Variants in EIF4G1 observed in about 807,000 individuals in gnomAD.
EIF4G1 encodes the protein eukaryotic translation initiation factor 4 gamma 1.
EIF4G1 carries 4 observed loss-of-function variants against 187.8 expected under a neutral mutation model. The observed-to-expected ratio is 0.02, with a 90% CI of 0.01 to 0.05. The LOEUF (loss-of-function observed/expected upper bound fraction) is 0.05, where lower values mean the gene tolerates loss of function less well. Ranked by LOEUF, EIF4G1 falls within the 10% of genes least tolerant of loss-of-function variation. EIF4G1 has a pLI of 1.00. For missense variants in EIF4G1, 1,647 were observed against 2,081.1 expected (o/e 0.79, Z 4.06); for synonymous variants, 844 against 781.4 (o/e 1.08, Z -1.34).
chr3:184,317,873 T>A, intron 6 of EIF4G1, 57 bp downstream of exon 6: 1 of 1,293,150 alleles, frequency 7.7e-7, no homozygotes, highest in Non-Finnish European at 1.1e-6. Flanking sequence ...TCTAAACTCA[T>A]CTGCTGATTT....
rs923244009 is a variant in EIF4G1, at chr3:184,321,749, G to A, written c.1165G>A (p.Glu389Lys). ...ELAPPPACPS[E>K]SPVPIAPTAQ... ...TGCTCCTCCCCCAGCTTGCCCCTCCGAATCCCCTGTGCCCATTGCTCCAAC... is the reference window on the plus strand; with the variant it reads ...TGCTCCTCCCCCAGCTTGCCCCTCCAAATCCCCTGTGCCCATTGCTCCAAC... Residue 389 changes from glutamate (E) to lysine (K), a missense_variant, in exon 10 of 33, where the codon GAA (glutamate) becomes AAA (lysine). Transcript: ENST00000346169. 22 of 1,601,652 alleles carry A rather than the reference G, an allele frequency of 1.4e-5. No individual in the cohort carries two copies. Among genetic ancestry groups the A allele is most frequent in the Middle Eastern group, 1.7e-4 (1 of 6,022 alleles).
intron 9 of EIF4G1, 29 bp downstream of exon 9, chr3:184,321,022 A>G (rs763547215): frequency 6.2e-6 from 10 of 1,610,810 alleles, no homozygotes; most frequent in East Asian, 4.5e-5. Context: ...CGGAGCTTTT[A>G]TGGGGAAAGG....
At chr3:184,324,036 C>T (rs1724388530) in intron 16 of EIF4G1, 59 bp downstream of exon 16, 7 of 1,609,646 alleles carry the variant, frequency 4.3e-6, no homozygotes, top group Non-Finnish European at 5.1e-6. Context: ...ATTCCCAAGA[C>T]TCCTTGAGTC....
chr3:184,319,365 G>A (rs1019759751), intron 6 of EIF4G1: 1 of 402,886 alleles, frequency 2.5e-6, no homozygotes, highest in Admixed American at 3.6e-5. Flanking sequence ...TACGGTGGAA[G>A]GACAGACATA....
chr3:184,315,906 C>T (rs1722691717), intron 3 of EIF4G1, 50 bp downstream of exon 3: 2 of 1,494,564 alleles, frequency 1.3e-6, no homozygotes, highest in African/African-American at 1.4e-5. Flanking sequence ...ACCAGGCAGT[C>T]TCCAGCCTCT....
rs1272740145 is a variant in EIF4G1, at chr3:184,315,554, G to A, written c.-35+9G>A. ...TGTTCTTAATCGAGGGGGTGAGTGA[G>A]GGGTCTGTTTCAGTAGGTCAGGGGT... On this transcript the variant is annotated intron_variant, in intron 2 of 32. Transcript: ENST00000346169. 7.9e-6 allele frequency: 6 copies of A among 755,904 alleles called. No homozygotes were observed. Among genetic ancestry groups the A allele is most frequent in the East Asian group, 2.5e-5 (1 of 40,008 alleles). The allele number at this position is 755,904 out of a possible 1,614,324, so 46.8% of individuals were successfully genotyped here.
At position 184,320,625 on chromosome 3, in the gene EIF4G1, C is replaced by G; in HGVS notation, c.538-5C>G. 3.1e-6 allele frequency: 5 copies of G among 1,614,032 alleles called. No individual in the cohort carries two copies. The highest frequency in any genetic ancestry group is 4.2e-6 in the Non-Finnish European group (5 of 1,179,994). ...CCCACTCATCTTATAGCTTTCTTTC[C>G]CCAGATCCGAATTCGAGATCCAAAC... On this transcript the variant is annotated splice_polypyrimidine_tract_variant and splice_region_variant and intron_variant, in intron 7 of 32. Coordinates refer to ENST00000346169, the MANE Select transcript of EIF4G1 (RefSeq NM_198241.3).
intron 32 of EIF4G1, among the ~76,000 whole-genome samples, chr3:184,333,331 T>C (rs528110672): frequency 6.6e-6 from 1 of 152,172 alleles, no homozygotes; most frequent in South Asian, 2.1e-4. Flanking sequence ...TCTGGGTCCT[T>C]TTGGAAAAGA....
chr3:184,323,649 T>G lies in EIF4G1; in HGVS notation c.2274+56T>G. 1 of 1,612,540 alleles carries G rather than the reference T, an allele frequency of 6.2e-7. No individual in the cohort carries two copies. The highest frequency in any genetic ancestry group is 8.5e-7 in the Non-Finnish European group (1 of 1,179,636). The stretch of plus-strand genomic sequence containing the variant: ...CCATTTCTTCTCCAGGTCTGCCATC[T>G]GTGCCCTCTTTGCTTCTTTTTGTCC... On this transcript the variant is annotated intron_variant, in intron 15 of 32. Coordinates refer to ENST00000346169, the MANE Select transcript of EIF4G1 (RefSeq NM_198241.3). The surrounding 1 kb of genome is among the most constrained non-coding windows in gnomAD (Gnocchi z 6.9).
At chr3:184,328,506 A>G in intron 26 of EIF4G1, 125 bp from the exon 27 acceptor site, 2 of 1,366,366 alleles carry the variant, frequency 1.5e-6, no homozygotes, top group Non-Finnish European at 2.1e-6. Flanking sequence ...GCTTGAAATA[A>G]TTGTCCCCAT....
Position 184,328,698 on chromosome 3 carries a change from G to T in EIF4G1, c.4021G>T (p.Ala1341Ser). The T allele has an allele frequency of 1.9e-6, 3 of 1,614,190 alleles. No individual in the cohort carries two copies. The highest frequency in any genetic ancestry group is 2.5e-6 in the Non-Finnish European group (3 of 1,180,026). ...IDIPHVWLYL[A>S]ELVTPILQEG... ...CATCCCCCACGTGTGGCTCTACCTA[G>T]CGGAACTGGTAACACCCATTCTGCA... The change falls in exon 27 of 33, where the codon GCG becomes TCG. Residue 1341 changes from alanine to serine, a missense_variant. By Grantham distance (99) the Ala-to-Ser change is moderately conservative (BLOSUM62 1). Around this residue, in one of 11 missense-constraint regions of EIF4G1, gnomAD observed 543 missense variants for 638.0 expected, o/e 0.85. Coordinates refer to ENST00000346169, the MANE Select transcript of EIF4G1 (RefSeq NM_198241.3).
chr3:184,326,741 T>G, intron 22 of EIF4G1, 112 bp downstream of exon 22: 1 of 1,476,636 alleles, frequency 6.8e-7, no homozygotes, highest in Non-Finnish European at 9.4e-7. Context: ...ATGCGGGCAA[T>G]AGAGGAGGTT....
intron 26 of EIF4G1, 56 bp downstream of exon 26, chr3:184,328,058 C>T: frequency 6.3e-7 from 1 of 1,582,474 alleles, no homozygotes; most frequent in Non-Finnish European, 8.6e-7. Flanking sequence ...TTTCTATCTC[C>T]TTTTTGGGAC....
At chr3:184,319,835 G>A (rs1312413518) in intron 7 of EIF4G1, 34 bp downstream of exon 7, 1 of 1,434,484 alleles carries the variant, frequency 7.0e-7, no homozygotes, top group Non-Finnish European at 9.7e-7. Context: ...GGACATCTGG[G>A]AAGGGGAGAA....
chr3:184,329,663 C>T (rs964934819), intron 28 of EIF4G1, among the ~76,000 whole-genome samples: 7 of 152,170 alleles, frequency 4.6e-5, no homozygotes, highest in Non-Finnish European at 1.0e-4. Flanking sequence ...TTGATAAAAA[C>T]AACAGTAAAG....
intron 32 of EIF4G1, among the ~76,000 whole-genome samples, chr3:184,332,694 T>G (rs1373209719): frequency 6.6e-6 from 1 of 151,730 alleles, no homozygotes; most frequent in African/African-American, 2.4e-5. Flanking sequence ...CCACAACAAC[T>G]GGGAAGGGGA....
intron 4 of EIF4G1, 97 bp from the exon 5 acceptor site, chr3:184,317,224 A>G: frequency 2.1e-6 from 3 of 1,401,204 alleles, no homozygotes; most frequent in South Asian, 1.2e-5. Flanking sequence ...TGAAGCCCAC[A>G]GTACTTCTTT....
intron 4 of EIF4G1, chr3:184,316,708 C>G: frequency 3.8e-6 from 6 of 1,595,514 alleles, no homozygotes; most frequent in Non-Finnish European, 4.2e-6. Flanking sequence ...CCCATGTGCT[C>G]TCAGGGAGGA....
chr3:184,316,201 C>T lies in EIF4G1; in HGVS notation c.130C>T (p.Pro44Ser), dbSNP rs750807918. 2 of 1,614,084 alleles carry T rather than the reference C, an allele frequency of 1.2e-6. No homozygotes were observed. The highest frequency in any genetic ancestry group is 1.7e-5 in the Admixed American group (1 of 60,026). Reference protein sequence around the residue: ...STPQATQMNTPSQPRQHFYPS... With the variant: ...STPQATQMNTSSQPRQHFYPS... ...GCCACAAGCGACACAAATGAACACG[C>T]CTTCTCAGCCCCGCCAGGTGAGGGG... The change falls in exon 4 of 33, where the codon CCT (proline) becomes TCT (serine). Residue 44 changes from proline to serine, a missense_variant. This residue lies in a region of EIF4G1 where 139 missense variants were observed against 187.3 expected (regional missense o/e 0.74). Transcript: ENST00000346169.
Sources: allele counts gnomAD v4.1 joint callset (sites outside exome capture counted in the v4.1 genomes callset), GRCh38; gene constraint gnomAD v4.1.1; regional missense constraint gnomAD v4.1.1; non-coding constraint Gnocchi (gnomAD v3.1); transcripts MANE v1.5; gene names NCBI Gene and HGNC (gene_info 2026-07-23, HGNC 2026-07-21).